The following IFT46 variants were observed in gnomAD, a reference collection of about 807,000 sequenced individuals.
The protein encoded by IFT46 is intraflagellar transport protein 46 homolog.
In IFT46, 19 loss-of-function variants were observed where a neutral mutation model predicts 39.6. That is an observed-to-expected ratio of 0.48 (90% CI 0.33 to 0.70). The LOEUF (loss-of-function observed/expected upper bound fraction) is 0.70. Ranked by LOEUF, IFT46 falls within the 30% of genes least tolerant of loss-of-function variation. IFT46 has a pLI of 0.01. For synonymous variants in IFT46, 117 were observed against 134.8 expected (o/e 0.87, Z 0.91); for missense variants, 334 against 364.8 (o/e 0.92, Z 0.69).
At chr11:118,572,294 G>C (rs1938354769) in intron 1 of IFT46, 1 of 509,864 alleles carries the variant, frequency 2.0e-6, no homozygotes, top group African/African-American at 1.9e-5. Flanking sequence ...ACACCTCCTG[G>C]GCTTAATCGT....
chr11:118,559,163 C>T (rs567971403), intron 3 of IFT46, among the ~76,000 whole-genome samples: 7 of 152,044 alleles, frequency 4.6e-5, no homozygotes, highest in Non-Finnish European at 8.8e-5. Flanking sequence ...CCACCACACC[C>T]GGCCAACATA....
rs1555069262 is a variant in IFT46, at chr11:118,555,270, C to G, written c.238G>C (p.Glu80Gln). The G allele has an allele frequency of 6.2e-7, 1 of 1,613,994 alleles. No homozygotes were observed. Among genetic ancestry groups the G allele is most frequent in the Non-Finnish European group, 8.5e-7 (1 of 1,179,926 alleles). The change falls in exon 5 of 12, where the codon GAA becomes CAA. Residue 80 changes from glutamate to glutamine, a missense_variant. Glu to Gln is a conservative substitution (Grantham distance 29). Transcript: ENST00000264021. ...EHLPVSAEIK[E>Q]LFQYISRYTP... The stretch of plus-strand genomic sequence containing the variant: ...CACCTACTGATGTACTGGAAGAGTT[C>G]CTTAATTTCAGCAGAAACTGGCAAA...
rs181628467 is a variant in IFT46, at chr11:118,544,868, G to A, written c.*48C>T. ...TGACAACGATCTGTCCATCTCAGCT[G>A]GGGCAGAGGGGCCAGCTCAGCCTTG... is the stretch of plus-strand genomic sequence containing the variant. On this transcript the variant is annotated 3_prime_UTR_variant, in exon 12 of 12. Coordinates refer to ENST00000264021, the MANE Select transcript of IFT46 (RefSeq NM_001168618.2). The A allele has an allele frequency of 7.5e-7, 1 of 1,329,438 alleles. No homozygotes were observed. Among genetic ancestry groups the A allele is most frequent in the South Asian group, 1.2e-5 (1 of 83,590 alleles). 82.4% of individuals were successfully genotyped at this position (1,329,438 alleles called of 1,614,324 possible).
At chr11:118,546,415 C>T (rs1039941305) in intron 9 of IFT46, 1 of 443,944 alleles carries the variant, frequency 2.3e-6, no homozygotes, top group Admixed American at 3.5e-5. Flanking sequence ...TGCTTGAGTC[C>T]AGCAGGTTGA....
chr11:118,545,629 T>C, intron 10 of IFT46, 135 bp from the exon 11 acceptor site: 1 of 1,061,916 alleles, frequency 9.4e-7, no homozygotes, highest in Non-Finnish European at 1.4e-6. Flanking sequence ...CAGCAGGTAG[T>C]CACATAAGCC....
chr11:118,550,956 G>T (rs953124238), intron 9 of IFT46, among the ~76,000 whole-genome samples: 1 of 151,512 alleles, frequency 6.6e-6, no homozygotes, highest in Admixed American at 6.6e-5. Context: ...GAACCTGCGG[G>T]GGGTACGGAG....
upstream of IFT46, among the ~76,000 whole-genome samples, chr11:118,575,226 C>T (rs575355359): frequency 1.3e-5 from 2 of 152,326 alleles, no homozygotes; most frequent in South Asian, 2.1e-4. Flanking sequence ...GATCTGCCCG[C>T]CTCGGCCTCC....
rs1937791373 is a variant in IFT46, at chr11:118,555,239, A to G, written c.260+9T>C. On this transcript the variant is annotated intron_variant, in intron 5 of 11. Transcript: ENST00000264021. Reference sequence around the variant, plus strand: ...ATAGTGGGGTATGGTGGGAGGTCCTAGTACTCACCTACTGATGTACTGGAA... The same window carrying G: ...ATAGTGGGGTATGGTGGGAGGTCCTGGTACTCACCTACTGATGTACTGGAA... 6.2e-7 allele frequency: 1 copy of G among 1,610,622 alleles called. No individual in the cohort carries two copies.
At chr11:118,555,734 C>A in intron 4 of IFT46, 1 of 169,966 alleles carries the variant, frequency 5.9e-6, no homozygotes, top group Admixed American at 5.8e-5. Context: ...CCAGCCTGGC[C>A]AACATGGTTG....
upstream of IFT46, among the ~76,000 whole-genome samples, chr11:118,570,055 T>C (rs925910088): frequency 6.8e-6 from 1 of 146,726 alleles, no homozygotes; most frequent in Admixed American, 6.8e-5. Context: ...CTTTTTTTTT[T>C]TTTTTTTTTT....
chr11:118,551,058 A>G (rs1951795081), intron 9 of IFT46, among the ~76,000 whole-genome samples: 1 of 147,586 alleles, frequency 6.8e-6, no homozygotes, highest in Non-Finnish European at 1.5e-5. Flanking sequence ...TATCTTTCTT[A>G]TATATCAAAT....
chr11:118,571,220 G>A (rs540121737), intron 1 of IFT46, among the ~76,000 whole-genome samples: 5 of 152,056 alleles, frequency 3.3e-5, no homozygotes, highest in South Asian at 2.1e-4. Context: ...CATTGTATCC[G>A]TCTTTTTTCA....
At chr11:118,547,981 C>T (rs1482012559) in intron 9 of IFT46, among the ~76,000 whole-genome samples, 1 of 147,292 alleles carries the variant, frequency 6.8e-6, no homozygotes, top group Non-Finnish European at 1.5e-5. Context: ...CTCCTGACTT[C>T]GTGATCCGCC....
At position 118,564,271 on chromosome 11, in the gene IFT46, A is replaced by C. The variant is rs148801415; in HGVS notation, c.-36+694T>G. Reference sequence around the variant, plus strand: ...TAACAGCAAACAATCTGCCTCCATCAGTGTGCACTTACCACATTTGGCATG... The same window carrying C: ...TAACAGCAAACAATCTGCCTCCATCCGTGTGCACTTACCACATTTGGCATG... On this transcript the variant is annotated intron_variant, in intron 2 of 11. Transcript: ENST00000264021. Among the ~76,000 whole-genome samples, 15 of 150,994 alleles carry C rather than the reference A, an allele frequency of 9.9e-5. No individual in the cohort carries two copies. In the East Asian group the frequency reaches 2.7e-3, roughly 27 times the overall value.
At chr11:118,568,385 C>G (rs1938272101), upstream of IFT46, among the ~76,000 whole-genome samples, 1 of 151,910 alleles carries the variant, frequency 6.6e-6, no homozygotes, top group Non-Finnish European at 1.5e-5. Flanking sequence ...ACCCCCATCT[C>G]TACTAAAAAT....
chr11:118,546,362 G>T, intron 9 of IFT46: 1 of 546,590 alleles, frequency 1.8e-6, no homozygotes. Context: ...GTGGTGTTGA[G>T]TATCTGTAGT....
chr11:118,557,597 C>A, intron 3 of IFT46: 1 of 1,018,458 alleles, frequency 9.8e-7, no homozygotes, highest in East Asian at 2.4e-5. Context: ...ATGGACTTTC[C>A]ATTTTTGTTC....
intron 9 of IFT46, among the ~76,000 whole-genome samples, chr11:118,547,589 T>A (rs975505579): frequency 6.7e-6 from 1 of 148,866 alleles, no homozygotes. Flanking sequence ...CGGCTAATTT[T>A]TTTGTGTTTT....
Position 118,555,281 on chromosome 11 carries a change from G to C in IFT46, c.227C>G (p.Ala76Gly), listed in dbSNP as rs781961185. 6 of 1,614,104 alleles carry C rather than the reference G, an allele frequency of 3.7e-6. No individual in the cohort carries two copies. The highest frequency in any genetic ancestry group is 5.1e-6 in the Non-Finnish European group (6 of 1,179,972). The change falls in exon 5 of 12, where the codon GCT (alanine) becomes GGT (glycine). Residue 76 changes from alanine to glycine, a missense_variant. Ala to Gly is a moderately conservative substitution (Grantham distance 60). Coordinates refer to ENST00000264021, the MANE Select transcript of IFT46 (RefSeq NM_001168618.2). ...GTACTGGAAGAGTTCCTTAATTTCA[G>C]CAGAAACTGGCAAATGCTCATAGTC... ...PADYEHLPVS[A>G]EIKELFQYIS...
Sources: allele counts gnomAD v4.1 joint callset (sites outside exome capture counted in the v4.1 genomes callset), GRCh38; gene constraint gnomAD v4.1.1; transcripts MANE v1.5; gene names NCBI Gene and HGNC (gene_info 2026-07-23, HGNC 2026-07-21).